The following PPP3CA variants were observed in gnomAD, a reference collection of about 807,000 sequenced individuals.
PPP3CA encodes protein phosphatase 3 catalytic subunit alpha, also known as CAM-PRP catalytic subunit.
PPP3CA carries 14 observed loss-of-function variants against 66.5 expected under a neutral mutation model. That is an observed-to-expected ratio of 0.21 (90% CI 0.14 to 0.33). The LOEUF (loss-of-function observed/expected upper bound fraction) is 0.33. Among genes scored for constraint, PPP3CA ranks in the 10% least tolerant of loss-of-function variants. The pLI, the probability that PPP3CA is intolerant of heterozygous loss-of-function variation, is 1.00. For synonymous variants in PPP3CA, 232 were observed against 226.2 expected, an observed-to-expected ratio of 1.03 and a Z score of -0.23; for missense variants, 317 against 639.5, an observed-to-expected ratio of 0.50 and a Z score of 5.44.
intron 1 of PPP3CA, among the ~76,000 whole-genome samples, chr4:101,295,328 A>AAAAG (rs1560703557): frequency 4.0e-5 from 6 of 150,998 alleles, no homozygotes; most frequent in Non-Finnish European, 5.9e-5. Flanking sequence ...AAAAAAAAAA[A>AAAAG]AAAGAAAGTA....
At chr4:101,088,271 G>A (rs1171900272) in intron 6 of PPP3CA, among the ~76,000 whole-genome samples, 4 of 152,130 alleles carry the variant, frequency 2.6e-5, no homozygotes. Flanking sequence ...CTTGAAGGCA[G>A]GGACTCAGCA....
Position 101,261,166 on chromosome 4 carries a change from C to G in PPP3CA, c.59-65050G>C, listed in dbSNP as rs554129781. On this transcript the variant is annotated intron_variant, in intron 1 of 13. Transcript: ENST00000394854. ...CATCAGGTAGGTACCATTCATATCT[C>G]CTAGAAATAAGGAGCTGAGGTCTGG... 2.6e-5 allele frequency among the ~76,000 whole-genome samples: 4 copies of G among 152,146 alleles called. No homozygotes were observed. In the South Asian group the frequency reaches 8.3e-4, roughly 32 times the overall value.
intron 10 of PPP3CA, among the ~76,000 whole-genome samples, chr4:101,047,172 G>C (rs530100515): frequency 1.3e-5 from 2 of 152,154 alleles, no homozygotes; most frequent in South Asian, 4.1e-4. Flanking sequence ...TATCCACCCA[G>C]TTTTGCTGTT....
intron 2 of PPP3CA, among the ~76,000 whole-genome samples, chr4:101,158,820 ATAGT>A (rs1201993348): frequency 1.3e-5 from 2 of 152,248 alleles, no homozygotes; most frequent in Non-Finnish European, 2.9e-5. Flanking sequence ...ATGGCAAATA[ATAGT>A]TAAAGCATTT....
chr4:101,090,799 A>T (rs1729885228), intron 6 of PPP3CA, among the ~76,000 whole-genome samples: 1 of 151,270 alleles, frequency 6.6e-6, no homozygotes, highest in South Asian at 2.1e-4. Context: ...TTACAAATAT[A>T]TACACACGTC....
intron 1 of PPP3CA, among the ~76,000 whole-genome samples, chr4:101,204,901 T>G (rs190631273): frequency 6.6e-6 from 1 of 150,986 alleles, no homozygotes; most frequent in Admixed American, 6.6e-5. Context: ...CTCTACAATG[T>G]TTTTTAAATT....
At chr4:101,289,870 A>ATGTGTGTGTGTG (rs72004461) in intron 1 of PPP3CA, among the ~76,000 whole-genome samples, 18 of 141,726 alleles carry the variant, frequency 1.3e-4, no homozygotes, top group African/African-American at 4.4e-4. Flanking sequence ...ATGTCCGTGT[A>ATGTGTGTGTGTG]TGTGTGTGTG....
chr4:101,309,479 G>T (rs181297245), intron 1 of PPP3CA, among the ~76,000 whole-genome samples: 3 of 152,246 alleles, frequency 2.0e-5, no homozygotes, highest in Admixed American at 2.0e-4. Flanking sequence ...AAAGCAAAGC[G>T]GGTGGGGGGT....
chr4:101,176,765 A>C (rs1385551945), intron 2 of PPP3CA, among the ~76,000 whole-genome samples: 3 of 152,122 alleles, frequency 2.0e-5, no homozygotes, highest in Non-Finnish European at 4.4e-5. Context: ...ACTGTGACTA[A>C]AATACAACTA....
intron 10 of PPP3CA, among the ~76,000 whole-genome samples, chr4:101,050,434 T>C (rs1727959131): frequency 6.6e-6 from 1 of 152,092 alleles, no homozygotes; most frequent in Admixed American, 6.6e-5. Flanking sequence ...TTGGTCTAAG[T>C]CCCAGCACTA....
Position 101,207,090 on chromosome 4 carries a change from C to A in PPP3CA, c.59-10974G>T, listed in dbSNP as rs368617810. ...TTTTGAAAAACTAAATGATTTTCATCGCATATGTGAATGCAGGGTCACAAA... is the reference window on the plus strand; with the variant it reads ...TTTTGAAAAACTAAATGATTTTCATAGCATATGTGAATGCAGGGTCACAAA... On this transcript the variant is annotated intron_variant, in intron 1 of 13. Coordinates refer to ENST00000394854, the MANE Select transcript of PPP3CA (RefSeq NM_000944.5). Among the ~76,000 whole-genome samples, 192 of 152,202 alleles carry A rather than the reference C, an allele frequency of 1.3e-3. 6 individuals carry two copies. The South Asian group carries it at 0.04, about 31-fold the overall frequency.
At chr4:101,205,415 C>A (rs1396373851) in intron 1 of PPP3CA, among the ~76,000 whole-genome samples, 1 of 152,114 alleles carries the variant, frequency 6.6e-6, no homozygotes, top group African/African-American at 2.4e-5. Flanking sequence ...CTAAGTAAGA[C>A]ATGAAATATA....
In PPP3CA at chr4:101,063,297, TGAG is replaced by T; in HGVS notation, c.1013_1015del (p.Pro338del). ...CATGAAATTTGGAAGCCAGTATGGATGAGGAGAACAGTTGAATTGCCTGATATT... is the reference window on the plus strand; with the variant it reads ...CATGAAATTTGGAAGCCAGTATGGATGAGAACAGTTGAATTGCCTGATATT... On this transcript the variant is annotated inframe_deletion, in exon 9 of 14. Coordinates refer to ENST00000394854, the MANE Select transcript of PPP3CA (RefSeq NM_000944.5). 6.2e-7 allele frequency: 1 copy of T among 1,611,550 alleles called. No individual in the cohort carries two copies. The highest frequency in any genetic ancestry group is 8.5e-7 in the Non-Finnish European group (1 of 1,178,352).
chr4:101,176,807 A>C (rs1460622915), intron 2 of PPP3CA, among the ~76,000 whole-genome samples: 14 of 152,146 alleles, frequency 9.2e-5, no homozygotes. Flanking sequence ...CCACAGTGAA[A>C]TGTGACAAAC....
intron 1 of PPP3CA, among the ~76,000 whole-genome samples, chr4:101,267,048 T>C (rs1407455339): frequency 6.6e-6 from 1 of 152,228 alleles, no homozygotes; most frequent in Non-Finnish European, 1.5e-5. Flanking sequence ...AGTCAGACCT[T>C]ATTACCAATC....
intron 1 of PPP3CA, among the ~76,000 whole-genome samples, chr4:101,341,968 TTA>T (rs1009890450): frequency 3.3e-5 from 5 of 152,176 alleles, no homozygotes; most frequent in African/African-American, 1.2e-4. Flanking sequence ...AATGGATTCT[TTA>T]TTTGGTGTCA....
intron 2 of PPP3CA, among the ~76,000 whole-genome samples, chr4:101,124,722 AAAGAG>A (rs1722164779): frequency 1.3e-5 from 1 of 74,318 alleles, no homozygotes; most frequent in Non-Finnish European, 2.9e-5. Context: ...AGAAAGAAAG[AAAGAG>A]AAAGAAAGAA....
intron 2 of PPP3CA, among the ~76,000 whole-genome samples, chr4:101,150,264 T>C (rs1723095309): frequency 6.6e-6 from 1 of 152,234 alleles, no homozygotes; most frequent in Non-Finnish European, 1.5e-5. Flanking sequence ...TCTTTAGGTC[T>C]GATTGTCTGA....
chr4:101,203,498 A>AAAAC (rs1005257252), intron 1 of PPP3CA, among the ~76,000 whole-genome samples: 1 of 152,168 alleles, frequency 6.6e-6, no homozygotes, highest in African/African-American at 2.4e-5. Flanking sequence ...CCATCTCAAA[A>AAAAC]AAACAAACAA....
Sources: allele counts gnomAD v4.1 joint callset (sites outside exome capture counted in the v4.1 genomes callset), GRCh38; gene constraint gnomAD v4.1.1; transcripts MANE v1.5; gene names NCBI Gene and HGNC (gene_info 2026-07-23, HGNC 2026-07-21).